The following DRAXIN variants were observed in gnomAD, a reference collection of about 807,000 sequenced individuals.
DRAXIN encodes dorsal repulsive axon guidance protein.
Under a neutral mutation model 33.9 loss-of-function variants are expected in DRAXIN, and 27 were observed. The observed-to-expected ratio is 0.80, with a 90% CI of 0.59 to 1.10. DRAXIN has a LOEUF of 1.10. Ranked by LOEUF, DRAXIN falls within the 50% of genes least tolerant of loss-of-function variation. The pLI, the probability that DRAXIN is intolerant of heterozygous loss-of-function variation, is 0.00. For synonymous variants in DRAXIN, 178 were observed against 194.0 expected, an observed-to-expected ratio of 0.92 and a Z score of 0.69; for missense variants, 371 against 460.8, an observed-to-expected ratio of 0.81 and a Z score of 1.78.
At chr1:11,710,758 CAA>C (rs1222886420) in intron 3 of DRAXIN, among the ~76,000 whole-genome samples, 50 of 105,234 alleles carry the variant, frequency 4.8e-4, no homozygotes, top group African/African-American at 1.2e-3. Context: ...ACTAAAAATA[CAA>C]AAAAAAAAAA....
At position 11,692,292 on chromosome 1, in the gene DRAXIN, G is replaced by A. The variant is rs1180907032; in HGVS notation, c.-11+439G>A. ...AGGCAGGGGGCCCCAGTCCGCCACC[G>A]TTGGAAGAAGTCTTCGAAGACTCCC... On this transcript the variant is annotated intron_variant, in intron 1 of 6. Coordinates refer to ENST00000294485, the MANE Select transcript of DRAXIN (RefSeq NM_198545.4). The surrounding 1 kb of genome is among the most constrained non-coding windows in gnomAD (Gnocchi z 5.8). Among the ~76,000 whole-genome samples the A allele has an allele frequency of 1.3e-5, 2 of 152,148 alleles. No individual in the cohort carries two copies. Among genetic ancestry groups the A allele is most frequent in the Non-Finnish European group, 2.9e-5 (2 of 68,030 alleles).
intron 1 of DRAXIN, among the ~76,000 whole-genome samples, chr1:11,695,931 C>T (rs577233668): frequency 7.2e-5 from 11 of 152,140 alleles, no homozygotes; most frequent in Non-Finnish European, 1.3e-4. Flanking sequence ...CGCAAAGCCC[C>T]TGTACAGGTT....
chr1:11,706,569 G>A lies in DRAXIN; in HGVS notation c.311G>A (p.Gly104Asp). The A allele has an allele frequency of 6.2e-7, 1 of 1,609,604 alleles. No homozygotes were observed. The highest frequency in any genetic ancestry group is 1.1e-5 in the South Asian group (1 of 90,768). The change falls in exon 2 of 7, where the codon GGC becomes GAC. Residue 104 changes from glycine to aspartate, a missense_variant. By Grantham distance (94) the Gly-to-Asp change is moderately conservative. Transcript: ENST00000294485. This position sits in a 1 kb window ranked among gnomAD's most constrained non-coding sequence, Gnocchi z 5.5. ...EGLLPEQSPA[G>D]LLQDKDLLLG... ...CTGCTGCCTGAGCAGAGTCCTGCAG[G>A]CCTGCTGCAGGACAAGGACCTGCTC... is the stretch of plus-strand genomic sequence containing the variant.
upstream of DRAXIN, chr1:11,691,632 C>G (rs1641069717): frequency 6.7e-6 from 1 of 149,390 alleles, no homozygotes; most frequent in African/African-American, 2.5e-5. Flanking sequence ...GTCGAGCCCG[C>G]CACCCGCCGC....
chr1:11,701,677 C>T (rs949675527), intron 1 of DRAXIN, among the ~76,000 whole-genome samples: 15 of 152,170 alleles, frequency 9.9e-5, no homozygotes, highest in African/African-American at 3.6e-4. Context: ...GGAGCAGACC[C>T]TGGGCCAGAA....
chr1:11,699,143 C>T (rs577757254), intron 1 of DRAXIN, among the ~76,000 whole-genome samples: 1 of 152,308 alleles, frequency 6.6e-6, no homozygotes, highest in Admixed American at 6.5e-5. Context: ...CTCAGGCTCC[C>T]TTGGCAGACA....
chr1:11,689,101 G>A (rs927228803), upstream of DRAXIN, among the ~76,000 whole-genome samples: 3 of 152,082 alleles, frequency 2.0e-5, no homozygotes, highest in African/African-American at 4.8e-5. Flanking sequence ...TTCGAGACCC[G>A]CCTGGGCAAC....
intron 6 of DRAXIN, among the ~76,000 whole-genome samples, chr1:11,718,650 T>C (rs954602796): frequency 6.6e-6 from 1 of 152,128 alleles, no homozygotes; most frequent in Admixed American, 6.6e-5. Flanking sequence ...ACATTTTTTG[T>C]AGAGATAGGG....
intron 2 of DRAXIN, among the ~76,000 whole-genome samples, chr1:11,708,087 T>G (rs1641418382): frequency 6.6e-6 from 1 of 152,134 alleles, no homozygotes; most frequent in Non-Finnish European, 1.5e-5. Context: ...GGCTTCGACT[T>G]TCAGCCTCCC....
At chr1:11,709,489 G>A (rs1012546476) in intron 3 of DRAXIN, 24 bp downstream of exon 3, 12 of 1,600,056 alleles carry the variant, frequency 7.5e-6, no homozygotes, top group Middle Eastern at 1.7e-4. Flanking sequence ...AAACAGCCTC[G>A]GATCTGGAAG....
At position 11,706,222 on chromosome 1, in the gene DRAXIN, G is replaced by C; in HGVS notation, c.-10-27G>C. On this transcript the variant is annotated intron_variant, in intron 1 of 6. Coordinates refer to ENST00000294485, the MANE Select transcript of DRAXIN (RefSeq NM_198545.4). This position sits in a 1 kb window ranked among gnomAD's most constrained non-coding sequence, Gnocchi z 5.5. ...GCAGCAGAGAGAGGCCTGGGGCTGC[G>C]CATTCATGGTGTTGCTCTTCTTGCA... The C allele has an allele frequency of 6.6e-7, 1 of 1,517,920 alleles. No individual in the cohort carries two copies. Among genetic ancestry groups the C allele is most frequent in the Non-Finnish European group, 8.8e-7 (1 of 1,130,596 alleles). The allele number at this position is 1,517,920 out of a possible 1,614,324, so 94.0% of individuals were successfully genotyped here.
Position 11,706,414 on chromosome 1 carries a change from T to A in DRAXIN, c.156T>A (p.Pro52=). The change falls in exon 2 of 7, where the codon CCT becomes CCA. Residue 52 remains proline, a synonymous_variant. Transcript: ENST00000294485. This position sits in a 1 kb window ranked among gnomAD's most constrained non-coding sequence, Gnocchi z 5.5. ...IDLPGPALWT[P]QASHHRRRGP... is the part of the protein sequence containing the mutation. Reference sequence around the variant, plus strand: ...TCCCAGGCCCAGCGCTGTGGACGCCTCAGGCCAGCCACCACCGCCGGCGGG... The same window carrying A: ...TCCCAGGCCCAGCGCTGTGGACGCCACAGGCCAGCCACCACCGCCGGCGGG... 4 of 1,612,404 alleles carry A rather than the reference T, an allele frequency of 2.5e-6. No individual in the cohort carries two copies. The South Asian group carries it at 4.4e-5, about 18-fold the overall frequency.
intron 1 of DRAXIN, among the ~76,000 whole-genome samples, chr1:11,695,861 G>T (rs2100729557): frequency 6.6e-6 from 1 of 152,256 alleles, no homozygotes; most frequent in Middle Eastern, 3.4e-3. Context: ...AGTTCAGCAG[G>T]TGAGCGGGGA....
upstream of DRAXIN, among the ~76,000 whole-genome samples, chr1:11,687,985 A>G (rs768858442): frequency 7.9e-5 from 12 of 152,200 alleles, no homozygotes; most frequent in Admixed American, 3.3e-4. This position sits in a 1 kb window ranked among gnomAD's most constrained non-coding sequence, Gnocchi z 4.1. Flanking sequence ...CTCTCCTAAC[A>G]TCCACCTTTT....
upstream of DRAXIN, among the ~76,000 whole-genome samples, chr1:11,690,902 G>A (rs962541953): frequency 1.3e-5 from 2 of 152,084 alleles, no homozygotes; most frequent in African/African-American, 4.8e-5. This position sits in a 1 kb window ranked among gnomAD's most constrained non-coding sequence, Gnocchi z 4.2. Flanking sequence ...CTTTGGACGG[G>A]GCGTGGCGAG....
At chr1:11,717,833 A>C (rs966760187) in intron 6 of DRAXIN, among the ~76,000 whole-genome samples, 15 of 149,234 alleles carry the variant, frequency 1.0e-4, no homozygotes, top group African/African-American at 3.7e-4. Context: ...AAATACAAAA[A>C]AAAAAAAAAA....
chr1:11,704,724 A>C lies in DRAXIN; in HGVS notation c.-10-1525A>C, dbSNP rs1641352924. ...CCACGCACGTCACCAAGGCTCACCT[A>C]GTATCTTCAGCCAGATCCCCGGGAT... is the stretch of plus-strand genomic sequence containing the variant. On this transcript the variant is annotated intron_variant, in intron 1 of 6. Transcript: ENST00000294485. This position sits in a 1 kb window ranked among gnomAD's most constrained non-coding sequence, Gnocchi z 4.6. Among the ~76,000 whole-genome samples, 1 of 152,216 alleles carries C rather than the reference A, an allele frequency of 6.6e-6. No individual in the cohort carries two copies. Among genetic ancestry groups the C allele is most frequent in the Admixed American group, 6.5e-5 (1 of 15,276 alleles).
At position 11,712,409 on chromosome 1, in the gene DRAXIN, A is replaced by G; in HGVS notation, c.827A>G (p.His276Arg). Residue 276 changes from histidine (H) to arginine (R), a missense_variant, in exon 5 of 7, where the codon CAT becomes CGT. By Grantham distance (29) the His-to-Arg change is conservative. Coordinates refer to ENST00000294485, the MANE Select transcript of DRAXIN (RefSeq NM_198545.4). Reference sequence around the variant, plus strand: ...CCAGCCGAAGGGGAACCATGCGACCATCACCAAGACTGCCTGCCAGGTACC... The same window carrying G: ...CCAGCCGAAGGGGAACCATGCGACCGTCACCAAGACTGCCTGCCAGGTACC... ...TSPAEGEPCDHHQDCLPGTCC... is the reference protein window; with the variant it reads ...TSPAEGEPCDRHQDCLPGTCC... The G allele has an allele frequency of 6.2e-7, 1 of 1,614,140 alleles. No individual in the cohort carries two copies. Among genetic ancestry groups the G allele is most frequent in the Non-Finnish European group, 8.5e-7 (1 of 1,180,002 alleles).
intron 6 of DRAXIN, among the ~76,000 whole-genome samples, chr1:11,717,072 G>A (rs189144793): frequency 6.6e-6 from 1 of 151,802 alleles, no homozygotes. Flanking sequence ...ATCACTTGAG[G>A]TCAGGAGTGA....
Sources: gnomAD v4.1 joint callset for allele counts (sites outside exome capture counted in the v4.1 genomes callset) on GRCh38, gnomAD v4.1.1 for gene constraint, Gnocchi (gnomAD v3.1) non-coding constraint, MANE v1.5 for transcripts, NCBI Gene and HGNC (gene_info 2026-07-23, HGNC 2026-07-21) for gene names.